NEIL1: variants seen among roughly 807,000 people sequenced by gnomAD.
The protein encoded by NEIL1 is endonuclease 8-like 1.
In NEIL1, 31 loss-of-function variants were observed where a neutral mutation model predicts 44.2. That is an observed-to-expected ratio of 0.70 (90% CI 0.53 to 0.95). The LOEUF (loss-of-function observed/expected upper bound fraction) is 0.95, where lower values mean the gene tolerates loss of function less well. Ranked by LOEUF, NEIL1 falls within the 40% of genes least tolerant of loss-of-function variation. NEIL1 has a pLI of 0.00. For synonymous variants in NEIL1, 254 were observed against 209.7 expected, an observed-to-expected ratio of 1.21 and a Z score of -1.83; for missense variants, 549 against 515.5, an observed-to-expected ratio of 1.07 and a Z score of -0.63.
At position 75,355,139 on chromosome 15, in the gene NEIL1, C is replaced by T; in HGVS notation, c.*105C>T. 3 of 885,830 alleles carry T rather than the reference C, an allele frequency of 3.4e-6. No homozygotes were observed. The highest frequency in any genetic ancestry group is 3.2e-5 in the South Asian group (2 of 62,816). 54.9% of individuals were successfully genotyped at this position (885,830 alleles called of 1,614,324 possible). On this transcript the variant is annotated 3_prime_UTR_variant, in exon 10 of 10. Transcript: ENST00000355059. ...CAATATCTGAAGGTGCAAACAGGCC[C>T]TACGGCTGTTCCCTGCACAACTCTC...
At chr15:75,352,853 T>C (rs1212922009) in intron 5 of NEIL1, 152 bp downstream of exon 5, 1 of 670,980 alleles carries the variant, frequency 1.5e-6, no homozygotes, top group Non-Finnish European at 2.6e-6. Context: ...TCAATAGTGT[T>C]TCCAGGCTGG....
In NEIL1 at chr15:75,355,830, T is replaced by C. The variant is rs1181598031; in HGVS notation, c.*796T>C. ...GATTTATTCCACAAGAAAAGACTGA[T>C]CCCTGCTTTAGGCTGGGGAAGCAGA... On this transcript the variant is annotated 3_prime_UTR_variant, in exon 10 of 10. Coordinates refer to ENST00000355059, the MANE Select transcript of NEIL1 (RefSeq NM_024608.4). 1.3e-6 allele frequency: 2 copies of C among 1,558,342 alleles called. No homozygotes were observed. Among genetic ancestry groups the C allele is most frequent in the African/African-American group, 2.7e-5 (2 of 72,906 alleles).
chr15:75,349,927 C>T (rs1567234696), intron 2 of NEIL1, among the ~76,000 whole-genome samples: 1 of 152,178 alleles, frequency 6.6e-6, no homozygotes, highest in Non-Finnish European at 1.5e-5. Flanking sequence ...AGCTGGGGCT[C>T]CCACCCACAA....
At chr15:75,348,132 G>A in intron 1 of NEIL1, 1 of 766,656 alleles carries the variant, frequency 1.3e-6, no homozygotes, top group Non-Finnish European at 1.7e-6. Context: ...GGTGCCCGCC[G>A]TCCTCCTGCG....
At position 75,352,404 on chromosome 15, in the gene NEIL1, A is replaced by G; in HGVS notation, c.618+17A>G. 6.2e-7 allele frequency: 1 copy of G among 1,612,850 alleles called. No homozygotes were observed. Among genetic ancestry groups the G allele is most frequent in the Non-Finnish European group, 8.5e-7 (1 of 1,179,972 alleles). On this transcript the variant is annotated intron_variant, in intron 4 of 9. Transcript: ENST00000355059. ...CACAGGCCGGTAAGCCCAGAGAGGG[A>G]TGGAGCACACGTGCTGGCACACTGG...
intron 2 of NEIL1, chr15:75,349,634 T>C: frequency 2.6e-6 from 1 of 380,064 alleles, no homozygotes; most frequent in South Asian, 4.1e-5. Context: ...GCCAGTATGG[T>C]GAAACCCTGT....
intron 1 of NEIL1, chr15:75,347,692 G>T: frequency 1.8e-6 from 1 of 548,458 alleles, no homozygotes; most frequent in South Asian, 4.5e-5. Context: ...GGATCGGGTT[G>T]TGGGGGGTGC....
chr15:75,356,721 G>A lies in NEIL1; in HGVS notation c.*1687G>A. ...GAGGGCGCGTAGGGGCCACGCTGAAGCTGTTGGAGTTGTGGTCGGGAAGAC... is the reference window on the plus strand; with the variant it reads ...GAGGGCGCGTAGGGGCCACGCTGAAACTGTTGGAGTTGTGGTCGGGAAGAC... On this transcript the variant is annotated 3_prime_UTR_variant, in exon 10 of 10. Transcript: ENST00000355059. The surrounding 1 kb of genome is among the most constrained non-coding windows in gnomAD (Gnocchi z 5.8). 6.2e-7 allele frequency: 1 copy of A among 1,612,204 alleles called. No individual in the cohort carries two copies. Among genetic ancestry groups the A allele is most frequent in the Non-Finnish European group, 8.5e-7 (1 of 1,178,956 alleles).
intron 1 of NEIL1, chr15:75,348,480 G>C (rs1016846090): frequency 9.6e-7 from 1 of 1,039,466 alleles, no homozygotes; most frequent in Admixed American, 5.0e-5. Flanking sequence ...CCTCAGATGG[G>C]GGGTCAGGAA....
At chr15:75,352,057 C>T in intron 2 of NEIL1, 54 bp from the exon 3 acceptor site, 1 of 1,595,214 alleles carries the variant, frequency 6.3e-7, no homozygotes, top group Non-Finnish European at 8.6e-7. Context: ...GCCCCTCTCC[C>T]CATCCCATGG....
Position 75,357,097 on chromosome 15 carries a change from A to C in NEIL1, c.*2063A>C. The C allele has an allele frequency of 1.7e-6, 1 of 595,528 alleles. No individual in the cohort carries two copies. The highest frequency in any genetic ancestry group is 3.0e-6 in the Non-Finnish European group (1 of 333,296). The allele number at this position is 595,528 out of a possible 1,614,324, so 36.9% of individuals were successfully genotyped here. On this transcript the variant is annotated 3_prime_UTR_variant, in exon 10 of 10. Coordinates refer to ENST00000355059, the MANE Select transcript of NEIL1 (RefSeq NM_024608.4). ...TTTCCTTATCTGTGAAACGGGAATA[A>C]ATAATAGTACTCACCCCATCGAATG...
In NEIL1 at chr15:75,355,734, G is replaced by A; in HGVS notation, c.*700G>A. The A allele has an allele frequency of 1.3e-5, 5 of 384,014 alleles. No individual in the cohort carries two copies. The highest frequency in any genetic ancestry group is 6.7e-5 in the South Asian group (3 of 44,798). 23.8% of individuals were successfully genotyped at this position (384,014 alleles called of 1,614,324 possible). ...ATACCTGGGAAGCCATCCCACCCCA[G>A]ACTTCCCACCCCCACCCCAAGCGTG... On this transcript the variant is annotated 3_prime_UTR_variant, in exon 10 of 10. Coordinates refer to ENST00000355059, the MANE Select transcript of NEIL1 (RefSeq NM_024608.4).
At position 75,356,851 on chromosome 15, in the gene NEIL1, G is replaced by A; in HGVS notation, c.*1817G>A. On this transcript the variant is annotated 3_prime_UTR_variant, in exon 10 of 10. Coordinates refer to ENST00000355059, the MANE Select transcript of NEIL1 (RefSeq NM_024608.4). This position sits in a 1 kb window ranked among gnomAD's most constrained non-coding sequence, Gnocchi z 5.8. ...GCGCCATACTTGCAGTCGTTGAGCA[G>A]GGCCAGCCCAAAGCCGTGTTCTGAC... 1 of 1,614,166 alleles carries A rather than the reference G, an allele frequency of 6.2e-7. No individual in the cohort carries two copies. Among genetic ancestry groups the A allele is most frequent in the Non-Finnish European group, 8.5e-7 (1 of 1,180,044 alleles).
chr15:75,354,526 C>T (rs1379893556), intron 8 of NEIL1, 34 bp downstream of exon 8: 4 of 1,613,696 alleles, frequency 2.5e-6, no homozygotes, highest in African/African-American at 1.3e-5. Flanking sequence ...CTCCCCTGCA[C>T]TCTGCAGCCC....
Position 75,355,724 on chromosome 15 carries a change from T to TG in NEIL1, c.*690_*691insG. On this transcript the variant is annotated 3_prime_UTR_variant, in exon 10 of 10. Transcript: ENST00000355059. ...TACCCACCAAATACCTGGGAAGCCA[T>TG]CCCACCCCAGACTTCCCACCCCCAC... 1 of 582,270 alleles carries TG rather than the reference T, an allele frequency of 1.7e-6. No homozygotes were observed. The highest frequency in any genetic ancestry group is 2.9e-6 in the Non-Finnish European group (1 of 341,280). The allele number at this position is 582,270 out of a possible 1,614,324, so 36.1% of individuals were successfully genotyped here.
At chr15:75,352,754 T>C in intron 5 of NEIL1, 53 bp downstream of exon 5, 1 of 1,426,236 alleles carries the variant, frequency 7.0e-7, no homozygotes, top group South Asian at 1.2e-5. Context: ...TGTGTAACCC[T>C]GGGGCACTTG....
intron 2 of NEIL1, among the ~76,000 whole-genome samples, chr15:75,350,061 C>T (rs954515464): frequency 6.6e-6 from 1 of 152,216 alleles, no homozygotes; most frequent in Non-Finnish European, 1.5e-5. Flanking sequence ...ACATGGCTTC[C>T]GCCTTGGGCT....
Position 75,355,732 on chromosome 15 carries a change from C to CCCACAT in NEIL1, c.*698_*699insCCACAT. The CCCACAT allele has an allele frequency of 1.6e-6, 1 of 612,488 alleles. No individual in the cohort carries two copies. The highest frequency in any genetic ancestry group is 3.7e-5 in the East Asian group (1 of 26,830). 37.9% of individuals were successfully genotyped at this position (612,488 alleles called of 1,614,324 possible). On this transcript the variant is annotated 3_prime_UTR_variant, in exon 10 of 10. Coordinates refer to ENST00000355059, the MANE Select transcript of NEIL1 (RefSeq NM_024608.4). ...AAATACCTGGGAAGCCATCCCACCC[C>CCCACAT]AGACTTCCCACCCCCACCCCAAGCG...
chr15:75,356,761 C>T lies in NEIL1; in HGVS notation c.*1727C>T. 1 of 1,613,450 alleles carries T rather than the reference C, an allele frequency of 6.2e-7. No individual in the cohort carries two copies. The highest frequency in any genetic ancestry group is 8.5e-7 in the Non-Finnish European group (1 of 1,179,618). On this transcript the variant is annotated 3_prime_UTR_variant, in exon 10 of 10. Coordinates refer to ENST00000355059, the MANE Select transcript of NEIL1 (RefSeq NM_024608.4). The surrounding 1 kb of genome is among the most constrained non-coding windows in gnomAD (Gnocchi z 5.8). ...GTCGGGAAGACCCATTTCTCCATGC[C>T]AGCTCCCAGGCCTGGTGGGTACCCC...
Sources: gnomAD v4.1 joint callset for allele counts (sites outside exome capture counted in the v4.1 genomes callset) on GRCh38, gnomAD v4.1.1 for gene constraint, Gnocchi (gnomAD v3.1) non-coding constraint, MANE v1.5 for transcripts, NCBI Gene and HGNC (gene_info 2026-07-23, HGNC 2026-07-21) for gene names.